SFI1: variants seen among roughly 807,000 people sequenced by gnomAD.
The protein encoded by SFI1 is SFI1 centrin binding protein, also known as protein SFI1 homolog.
SFI1 carries 195 observed loss-of-function variants against 207.5 expected under a neutral mutation model. The observed-to-expected ratio is 0.94, with a 90% confidence interval of 0.84 to 1.06. The LOEUF (loss-of-function observed/expected upper bound fraction) is 1.06, where lower values mean the gene tolerates loss of function less well. SFI1 is among the 50% of genes least tolerant of loss of function. The pLI, the probability that SFI1 is intolerant of heterozygous loss-of-function variation, is 0.00. For synonymous variants in SFI1, 630 were observed against 598.9 expected, an observed-to-expected ratio of 1.05 and a Z score of -0.76; for missense variants, 1,634 against 1,588.0, an observed-to-expected ratio of 1.03 and a Z score of -0.49.
At chr22:31,503,530 A>G (rs563855954) in intron 1 of SFI1, among the ~76,000 whole-genome samples, 3 of 150,368 alleles carry the variant, frequency 2.0e-5, no homozygotes, top group Non-Finnish European at 4.4e-5. Flanking sequence ...TAGAAGGTCA[A>G]TCTACATGTT....
intron 2 of SFI1, among the ~76,000 whole-genome samples, chr22:31,510,427 A>G (rs1166302327): frequency 6.6e-6 from 1 of 151,412 alleles, no homozygotes; most frequent in East Asian, 1.9e-4. Flanking sequence ...TTAGGTTTCT[A>G]TTTATTGTTT....
chr22:31,592,345 C>T (rs1230108842), intron 15 of SFI1, among the ~76,000 whole-genome samples: 30 of 56,696 alleles, frequency 5.3e-4, no homozygotes, highest in Non-Finnish European at 7.6e-4. Flanking sequence ...GGTGGCTGGC[C>T]GGGCAGGGGG....
chr22:31,502,443 C>T lies in SFI1; in HGVS notation c.-31+5806C>T, dbSNP rs898843564. Among the ~76,000 whole-genome samples the T allele has an allele frequency of 1.1e-4, 17 of 151,204 alleles. 1 individual carries two copies. The highest frequency in any genetic ancestry group is 2.1e-4 in the South Asian group (1 of 4,792). ...AGGCTGGAGTGTAATGGCGTGATCT[C>T]GGCTCCTGCAGCCTCCACCTCCTGG... On this transcript the variant is annotated intron_variant, in intron 1 of 32. Transcript: ENST00000400288.
Position 31,613,687 on chromosome 22 carries a change from C to T in SFI1, c.2828C>T (p.Pro943Leu). The change falls in exon 27 of 33, where the codon CCC becomes CTC. Residue 943 changes from proline (P) to leucine (L), a missense_variant. Physicochemically the swap from Pro to Leu is moderately conservative, Grantham distance 98 (BLOSUM62 -3). Transcript: ENST00000400288. ...KVLGRGGKPQ[P>L]LAAIAPSRKV... ...CTGGGCCGGGGCGGGAAGCCTCAGCCCCTGGCAGCCATCGCACCCAGCAGG... is the reference window on the plus strand; with the variant it reads ...CTGGGCCGGGGCGGGAAGCCTCAGCTCCTGGCAGCCATCGCACCCAGCAGG... The T allele has an allele frequency of 6.2e-7, 1 of 1,611,548 alleles. No individual in the cohort carries two copies. The highest frequency in any genetic ancestry group is 1.1e-5 in the South Asian group (1 of 90,912).
rs1405504421 is a variant in SFI1 at position 31,614,860 on chromosome 22, G to A, written c.3068G>A (p.Arg1023Lys). The change falls in exon 28 of 33, where the codon AGG (arginine) becomes AAG (lysine). Residue 1023 changes from arginine (R) to lysine (K), a missense_variant and splice_region_variant. Coordinates refer to ENST00000400288, the MANE Select transcript of SFI1 (RefSeq NM_001007467.3). The part of the protein sequence containing the change: ...HFLLEPAQSQ[R>K]PQKPQEHGLG... ...CTGTTGGAGCCTGCGCAGAGCCAGAGGTCCCTGGGGTGCAGCACCGTGGGC... is the reference window on the plus strand; with the variant it reads ...CTGTTGGAGCCTGCGCAGAGCCAGAAGTCCCTGGGGTGCAGCACCGTGGGC... 3.1e-6 allele frequency: 5 copies of A among 1,613,590 alleles called. No homozygotes were observed. Among genetic ancestry groups the A allele is most frequent in the Non-Finnish European group, 4.2e-6 (5 of 1,179,924 alleles).
chr22:31,579,016 G>A (rs774369291), intron 11 of SFI1, among the ~76,000 whole-genome samples: 19 of 152,148 alleles, frequency 1.2e-4, no homozygotes, highest in South Asian at 4.1e-4. Context: ...TTAGAGATGC[G>A]GTCTCACTAT....
At chr22:31,611,522 A>G (rs1281620543) in intron 23 of SFI1, among the ~76,000 whole-genome samples, 1 of 152,202 alleles carries the variant, frequency 6.6e-6, no homozygotes, top group African/African-American at 2.4e-5. Flanking sequence ...AGTGTCTCCC[A>G]GGGAAGACGG....
intron 13 of SFI1, among the ~76,000 whole-genome samples, chr22:31,584,549 T>C (rs1277215899): frequency 6.6e-6 from 1 of 152,192 alleles, no homozygotes; most frequent in African/African-American, 2.4e-5. Flanking sequence ...GTCCTTCCTT[T>C]CTTTGCCCTC....
intron 15 of SFI1, among the ~76,000 whole-genome samples, chr22:31,590,695 G>A (rs896757161): frequency 2.6e-5 from 4 of 151,814 alleles, no homozygotes; most frequent in East Asian, 3.9e-4. Flanking sequence ...TAGTAGAGAC[G>A]GGGCTTTCAC....
chr22:31,609,643 C>T (rs1273657961), intron 22 of SFI1, among the ~76,000 whole-genome samples: 1 of 152,228 alleles, frequency 6.6e-6, no homozygotes, highest in Non-Finnish European at 1.5e-5. Context: ...CATGTTTCAA[C>T]ACACATCCTG....
chr22:31,599,070 G>A (rs2067680593), intron 15 of SFI1, among the ~76,000 whole-genome samples: 1 of 151,670 alleles, frequency 6.6e-6, no homozygotes, highest in African/African-American at 2.4e-5. Flanking sequence ...GGGATTACAG[G>A]TGTGAGCCAC....
At position 31,615,234 on chromosome 22, in the gene SFI1, G is replaced by C. The variant is rs1238576318; in HGVS notation, c.3255G>C (p.Leu1085=). ...TASTGPELLL[L]PLSSFMPCGA... ...GCACAGGCCCGGAGCTGCTGCTGCT[G>C]CCTCTTTCCTCCTTCATGCCCTGCG... Residue 1085 remains leucine (L), a synonymous_variant, in exon 29 of 33, where the codon CTG becomes CTC. Coordinates refer to ENST00000400288, the MANE Select transcript of SFI1 (RefSeq NM_001007467.3). 1.3e-6 allele frequency: 2 copies of C among 1,537,144 alleles called. No homozygotes were observed. The highest frequency in any genetic ancestry group is 1.7e-6 in the Non-Finnish European group (2 of 1,149,704).
intron 29 of SFI1, 94 bp from the exon 30 acceptor site, chr22:31,616,651 C>T (rs2071554706): frequency 7.3e-7 from 1 of 1,368,424 alleles, no homozygotes; most frequent in Non-Finnish European, 9.9e-7. Flanking sequence ...CTTCCCCCAC[C>T]CCTGCAGGGC....
chr22:31,544,527 A>C (rs1402650670), intron 4 of SFI1, among the ~76,000 whole-genome samples: 2 of 151,942 alleles, frequency 1.3e-5, no homozygotes, highest in African/African-American at 4.8e-5. Context: ...CCAAGGGAGG[A>C]GGATCACCTG....
At chr22:31,586,138 G>A (rs1479511449) in intron 14 of SFI1, among the ~76,000 whole-genome samples, 2 of 152,044 alleles carry the variant, frequency 1.3e-5, no homozygotes, top group Non-Finnish European at 2.9e-5. Context: ...GACCAGTTAA[G>A]CTGCCAGTGG....
chr22:31,546,975 A>G lies in SFI1; in HGVS notation c.449+4A>G, dbSNP rs760253812. 1.9e-6 allele frequency: 3 copies of G among 1,586,504 alleles called. No homozygotes were observed. The highest frequency in any genetic ancestry group is 1.7e-4 in the Middle Eastern group (1 of 5,986). ...TTCGAGCTGACTGTCACTACAGGTC[A>G]GGTTTCATGTTACACTCCTTCAGTT... On this transcript the variant is annotated splice_donor_region_variant and intron_variant, in intron 5 of 32. Transcript: ENST00000400288.
At chr22:31,609,829 C>T (rs2069751354) in intron 22 of SFI1, among the ~76,000 whole-genome samples, 1 of 152,264 alleles carries the variant, frequency 6.6e-6, no homozygotes, top group South Asian at 2.1e-4. Flanking sequence ...GCACCTGACC[C>T]TTTGGGCACC....
chr22:31,534,034 C>T (rs911983447), intron 4 of SFI1, among the ~76,000 whole-genome samples: 17 of 152,194 alleles, frequency 1.1e-4, no homozygotes, highest in African/African-American at 3.9e-4. Context: ...CTAGATAAGA[C>T]AGAGTCCTTA....
Position 31,611,145 on chromosome 22 carries a change from T to C in SFI1, c.2257T>C (p.Cys753Arg). Reference protein sequence around the residue: ...WEAQKVLDRGCLRTWFQRWWD... With the variant: ...WEAQKVLDRGRLRTWFQRWWD... ...ACTCTGACTTGGATCTGCCTTAGGC[T>C]GTCTGCGGACCTGGTTTCAGCGCTG... The change falls in exon 23 of 33, where the codon TGT (cysteine) becomes CGT (arginine). Residue 753 changes from cysteine (C) to arginine (R), a missense_variant and splice_region_variant. Cys to Arg is a radical substitution (Grantham distance 180, BLOSUM62 -3). Coordinates refer to ENST00000400288, the MANE Select transcript of SFI1 (RefSeq NM_001007467.3). 1 of 1,614,230 alleles carries C rather than the reference T, an allele frequency of 6.2e-7. No individual in the cohort carries two copies. Among genetic ancestry groups the C allele is most frequent in the East Asian group, 2.2e-5 (1 of 44,890 alleles).
Sources: allele counts gnomAD v4.1 joint callset (sites outside exome capture counted in the v4.1 genomes callset), GRCh38; gene constraint gnomAD v4.1.1; transcripts MANE v1.5; gene names NCBI Gene and HGNC (gene_info 2026-07-23, HGNC 2026-07-21).